Variants in SLCO1B1 observed in about 807,000 individuals in gnomAD.
The protein encoded by SLCO1B1 is OATP-2.
A neutral mutation model predicts 70.1 loss-of-function variants in SLCO1B1; 81 were observed. The ratio of observed to expected loss-of-function variants is 1.16; its 90% confidence interval spans 0.97 to 1.39. SLCO1B1 has a LOEUF of 1.39. SLCO1B1 is among the 40% of genes most tolerant of loss of function. The pLI is 0.00. For synonymous variants in SLCO1B1, 283 were observed against 271.5 expected, an observed-to-expected ratio of 1.04 and a Z score of -0.42; for missense variants, 895 against 799.6, an observed-to-expected ratio of 1.12 and a Z score of -1.44.
intron 2 of SLCO1B1, among the ~76,000 whole-genome samples, chr12:21,170,165 T>C (rs1246151880): frequency 6.6e-6 from 1 of 152,156 alleles, no homozygotes; most frequent in East Asian, 1.9e-4. Context: ...TATAGGCAAG[T>C]CAGAAGCCTG....
At chr12:21,171,890 A>G (rs527365120) in intron 2 of SLCO1B1, among the ~76,000 whole-genome samples, 14 of 152,216 alleles carry the variant, frequency 9.2e-5, no homozygotes, top group Non-Finnish European at 1.8e-4. Context: ...TTCTTGTCTT[A>G]TAAGGGCACT....
chr12:21,152,532 G>GTTTTTTTTTTT (rs1321105425), intron 2 of SLCO1B1, among the ~76,000 whole-genome samples: 6 of 7,918 alleles, frequency 7.6e-4, no homozygotes, highest in Non-Finnish European at 2.4e-3. Flanking sequence ...GAGAGGAGAG[G>GTTTTTTTTTTT]CTTTTTTTTT....
rs377218687 is a variant in SLCO1B1, at chr12:21,229,948, A to T, written c.1865+5109A>T. Among the ~76,000 whole-genome samples, 23 of 152,286 alleles carry T rather than the reference A, an allele frequency of 1.5e-4. No homozygotes were observed. The South Asian group carries it at 1.9e-3, about 12-fold the overall frequency. ...ACGTTTTTGACTTGTTCCTGACCTT[A>T]GTGGGAAGACTTTGAGTTTCTCACT... On this transcript the variant is annotated intron_variant, in intron 14 of 14. Transcript: ENST00000256958.
intron 4 of SLCO1B1, 97 bp from the exon 5 acceptor site, chr12:21,176,679 A>G (rs1228189983): frequency 6.2e-6 from 6 of 963,360 alleles, no homozygotes; most frequent in Non-Finnish European, 6.6e-6. Flanking sequence ...GGGGAAGATA[A>G]TGGTGCAAAT....
chr12:21,145,507 A>T, intron 2 of SLCO1B1, among the ~76,000 whole-genome samples: 1 of 105,046 alleles, frequency 9.5e-6, no homozygotes, highest in African/African-American at 3.7e-5. Flanking sequence ...TTTAGTAGAG[A>T]TGAGGTCTTA....
chr12:21,208,895 G>C (rs1412845158), intron 11 of SLCO1B1, among the ~76,000 whole-genome samples: 1 of 151,822 alleles, frequency 6.6e-6, no homozygotes. Flanking sequence ...ATTCTAAATG[G>C]AATTGCATTA....
chr12:21,134,044 G>A (rs537678941), intron 1 of SLCO1B1, among the ~76,000 whole-genome samples: 1 of 152,030 alleles, frequency 6.6e-6, no homozygotes. Flanking sequence ...TAGCATGAAG[G>A]GTTGTTGAAT....
intron 2 of SLCO1B1, among the ~76,000 whole-genome samples, chr12:21,170,802 A>G (rs1940747612): frequency 1.3e-5 from 2 of 152,224 alleles, no homozygotes; most frequent in Admixed American, 1.3e-4. Context: ...TTGATAGCAT[A>G]TATCATTTGA....
At chr12:21,164,867 G>C (rs74068930) in intron 2 of SLCO1B1, 8,905 of 483,434 alleles carry the variant, frequency 0.018, 250 homozygotes, top group African/African-American at 0.088. Context: ...CAAACTTATG[G>C]CAATTATAAA....
At chr12:21,181,812 G>T (rs1940902457) in intron 7 of SLCO1B1, among the ~76,000 whole-genome samples, 1 of 151,956 alleles carries the variant, frequency 6.6e-6, no homozygotes, top group Non-Finnish European at 1.5e-5. Flanking sequence ...GGGGAGATTT[G>T]TGAAAATTTG....
rs1431079504 is a variant in SLCO1B1 at position 21,221,280 on chromosome 12, T to G, written c.1683-1020T>G. Among the ~76,000 whole-genome samples the G allele has an allele frequency of 1.3e-5, 2 of 152,094 alleles. 1 individual carries two copies. The highest frequency in any genetic ancestry group is 4.1e-4 in the South Asian group (2 of 4,826). On this transcript the variant is annotated intron_variant, in intron 12 of 14. Coordinates refer to ENST00000256958, the MANE Select transcript of SLCO1B1 (RefSeq NM_006446.5). Reference sequence around the variant, plus strand: ...ACAAGTGTGTCTATTTTCACTACTCTTACTGCACATAGTATGGGAAGTCCT... The same window carrying G: ...ACAAGTGTGTCTATTTTCACTACTCGTACTGCACATAGTATGGGAAGTCCT...
At chr12:21,217,866 T>A (rs781155541) in intron 12 of SLCO1B1, among the ~76,000 whole-genome samples, 21 of 152,154 alleles carry the variant, frequency 1.4e-4, no homozygotes, top group Non-Finnish European at 2.9e-4. Context: ...ACATGGTAAA[T>A]GAAACCAATA....
At chr12:21,222,487 CTG>C (rs1565443496) in intron 13 of SLCO1B1, 123 bp downstream of exon 13, 3 of 222,726 alleles carry the variant, frequency 1.3e-5, no homozygotes, top group East Asian at 1.8e-4. Flanking sequence ...GGATTAAAGA[CTG>C]TAATGAATCT....
At chr12:21,165,677 T>C (rs1332429911) in intron 2 of SLCO1B1, among the ~76,000 whole-genome samples, 1 of 152,150 alleles carries the variant, frequency 6.6e-6, no homozygotes, top group Non-Finnish European at 1.5e-5. Context: ...TTTGCTCTTA[T>C]AATGTGAGTA....
At position 21,200,551 on chromosome 12, in the gene SLCO1B1, T is replaced by C. The variant is rs752570053; in HGVS notation, c.1014T>C (p.Tyr338=). The C allele has an allele frequency of 1.2e-6, 2 of 1,605,332 alleles. No individual in the cohort carries two copies. Among genetic ancestry groups the C allele is most frequent in the Non-Finnish European group, 8.5e-7 (1 of 1,174,710 alleles). Residue 338 remains tyrosine, a synonymous_variant, in exon 9 of 15, where the codon TAT becomes TAC. Coordinates refer to ENST00000256958, the MANE Select transcript of SLCO1B1 (RefSeq NM_006446.5). ...AAAGCATCCTTACTAATCCCCTGTA[T>C]GTTATGTTTGTGCTTTTGACGTTGT... is the stretch of plus-strand genomic sequence containing the variant. The part of the protein sequence containing the change: ...SFKSILTNPL[Y]VMFVLLTLLQ...
intron 2 of SLCO1B1, among the ~76,000 whole-genome samples, chr12:21,156,810 A>G (rs1940550514): frequency 6.6e-6 from 1 of 152,202 alleles, no homozygotes; most frequent in Non-Finnish European, 1.5e-5. Context: ...TCTGAAATGT[A>G]TTTTACAGAG....
chr12:21,137,012 G>GT (rs1940232235), intron 1 of SLCO1B1, among the ~76,000 whole-genome samples: 1 of 152,020 alleles, frequency 6.6e-6, no homozygotes, highest in Non-Finnish European at 1.5e-5. Context: ...GGTTTTTGGT[G>GT]CGGATGTCCT....
At chr12:21,197,918 TGA>T (rs1941112944) in intron 8 of SLCO1B1, among the ~76,000 whole-genome samples, 1 of 152,084 alleles carries the variant, frequency 6.6e-6, no homozygotes, top group African/African-American at 2.4e-5. Flanking sequence ...GGAGAACCAT[TGA>T]GAGTCAATAA....
chr12:21,194,206 G>A (rs921111478), intron 7 of SLCO1B1, among the ~76,000 whole-genome samples: 8 of 151,050 alleles, frequency 5.3e-5, no homozygotes, highest in East Asian at 3.9e-4. Context: ...TAGTGGAGAC[G>A]GGGTTTCTCC....
Sources: gnomAD v4.1 joint callset for allele counts (sites outside exome capture counted in the v4.1 genomes callset) on GRCh38, gnomAD v4.1.1 for gene constraint, MANE v1.5 for transcripts, NCBI Gene and HGNC (gene_info 2026-07-23, HGNC 2026-07-21) for gene names.